The following ZNF783 variants were observed in gnomAD, a reference collection of about 807,000 sequenced individuals.
ZNF783 encodes protein ZNF783.
A neutral mutation model predicts 31.3 loss-of-function variants in ZNF783; 25 were observed. That is an observed-to-expected ratio of 0.80 (90% confidence interval 0.58 to 1.11). The LOEUF (loss-of-function observed/expected upper bound fraction) is 1.11. Among genes scored for constraint, ZNF783 ranks in the 50% most tolerant of loss-of-function variants. The probability of loss-of-function intolerance (pLI) is 0.00; values close to 1 mark genes in which losing one functional copy is unlikely to be tolerated. For synonymous variants in ZNF783, 369 were observed against 319.1 expected (o/e 1.16, Z -1.66); for missense variants, 797 against 760.0 (o/e 1.05, Z -0.57).
At position 149,281,757 on chromosome 7, in the gene ZNF783, C is replaced by T. The variant is rs1797474556; in HGVS notation, c.1055C>T (p.Pro352Leu). 2.7e-6 allele frequency: 4 copies of T among 1,494,326 alleles called. No individual in the cohort carries two copies. The South Asian group carries it at 5.3e-5, about 20-fold the overall frequency. The allele number at this position is 1,494,326 out of a possible 1,614,324, so 92.6% of individuals were successfully genotyped here. ...SRRRQRAFPC[P>L]DCGQSFRLKI... ...AGGCGGCAGCGGGCATTCCCCTGCCCCGACTGCGGGCAGAGCTTCCGCCTG... is the reference window on the plus strand; with the variant it reads ...AGGCGGCAGCGGGCATTCCCCTGCCTCGACTGCGGGCAGAGCTTCCGCCTG... The change falls in exon 6 of 6, where the codon CCC (proline) becomes CTC (leucine). Residue 352 changes from proline to leucine, a missense_variant. Physicochemically the swap from Pro to Leu is moderately conservative, Grantham distance 98. Transcript: ENST00000434415.
intron 2 of ZNF783, 34 bp from the exon 3 acceptor site, chr7:149,266,783 CGT>C: frequency 6.2e-7 from 1 of 1,613,708 alleles, no homozygotes; most frequent in Non-Finnish European, 8.5e-7. Context: ...AGCCTGTGAG[CGT>C]GTGGGTGAGT....
At chr7:149,267,754 G>A (rs1416431013) in intron 4 of ZNF783, among the ~76,000 whole-genome samples, 8 of 152,014 alleles carry the variant, frequency 5.3e-5, no homozygotes, top group Admixed American at 1.3e-4. Flanking sequence ...CCGAGATTGC[G>A]CCACTGCACT....
At chr7:149,267,279 C>A (rs1182716611) in intron 4 of ZNF783, 57 bp downstream of exon 4, 11 of 1,528,178 alleles carry the variant, frequency 7.2e-6, no homozygotes, top group Non-Finnish European at 9.6e-6. Flanking sequence ...TGCACCATCG[C>A]CTACCCTCTC....
Position 149,281,584 on chromosome 7 carries a change from A to G in ZNF783, c.882A>G (p.Arg294=). 6.5e-7 allele frequency: 1 copy of G among 1,531,026 alleles called. No homozygotes were observed. Among genetic ancestry groups the G allele is most frequent in the Non-Finnish European group, 8.7e-7 (1 of 1,152,016 alleles). The allele number at this position is 1,531,026 out of a possible 1,614,324, so 94.8% of individuals were successfully genotyped here. ...AGCGGCTCTTTCTGGGGGTGTCCCG[A>G]GGCCAGACCGAGTGTAGAATCCCCC... The part of the protein sequence containing the change: ...TPERLFLGVS[R]GQTECRIPRG... Residue 294 remains arginine (R), a synonymous_variant, in exon 6 of 6, where the codon CGA becomes CGG. Coordinates refer to ENST00000434415, the MANE Select transcript of ZNF783 (RefSeq NM_001195220.2).
At chr7:149,271,610 TTTAAC>T (rs1184891380) in intron 4 of ZNF783, among the ~76,000 whole-genome samples, 2 of 149,944 alleles carry the variant, frequency 1.3e-5, no homozygotes, top group Non-Finnish European at 3.0e-5. Context: ...TGGTTTTTGA[TTTAAC>T]TTAATTTTTT....
At chr7:149,270,418 C>G (rs1291152842) in intron 4 of ZNF783, among the ~76,000 whole-genome samples, 18 of 152,200 alleles carry the variant, frequency 1.2e-4, no homozygotes, top group Non-Finnish European at 2.1e-4. Flanking sequence ...TTTAGTTACC[C>G]TGAGATTCAG....
intron 4 of ZNF783, chr7:149,278,070 G>T (rs1302323971): frequency 1.9e-5 from 17 of 893,024 alleles, no homozygotes; most frequent in African/African-American, 5.2e-5. Context: ...ACTGCGGGAG[G>T]TGGTGACCAC....
intron 1 of ZNF783, among the ~76,000 whole-genome samples, chr7:149,262,791 C>T (rs1195033907): frequency 6.6e-6 from 1 of 152,236 alleles, no homozygotes; most frequent in Non-Finnish European, 1.5e-5. Flanking sequence ...GAGGCGGGAG[C>T]CTCACGCCGG....
intron 4 of ZNF783, among the ~76,000 whole-genome samples, chr7:149,276,910 G>A (rs1797345008): frequency 6.6e-6 from 1 of 151,576 alleles, no homozygotes; most frequent in Middle Eastern, 3.4e-3. Context: ...GTGCAGTGGC[G>A]CGATCTCGGC....
At chr7:149,278,036 C>G in intron 4 of ZNF783, 1 of 445,338 alleles carries the variant, frequency 2.2e-6, no homozygotes, top group Non-Finnish European at 3.4e-6. Context: ...ATAAGAGCAG[C>G]TTGGAGGAGG....
At position 149,281,643 on chromosome 7, in the gene ZNF783, G is replaced by T; in HGVS notation, c.941G>T (p.Arg314Leu). Residue 314 changes from arginine (R) to leucine (L), a missense_variant, in exon 6 of 6, where the codon CGT (arginine) becomes CTT (leucine). Arg to Leu is a moderately radical substitution (Grantham distance 102). Transcript: ENST00000434415. ...AGGAACAGGCCTGGGGGCCCCAGCC[G>T]TCATCAGGCCCAGGGCATGCCCAGG... is the stretch of plus-strand genomic sequence containing the variant. ...GPRNRPGGPS[R>L]HQAQGMPRVR... 6.5e-7 allele frequency: 1 copy of T among 1,542,766 alleles called. No individual in the cohort carries two copies.
At chr7:149,268,557 G>A (rs1585610623) in intron 4 of ZNF783, among the ~76,000 whole-genome samples, 1 of 152,294 alleles carries the variant, frequency 6.6e-6, no homozygotes, top group Admixed American at 6.5e-5. Context: ...TTGTGCCCAG[G>A]TAGTGAGCAT....
intron 4 of ZNF783, among the ~76,000 whole-genome samples, chr7:149,271,792 A>G (rs1293367214): frequency 6.6e-6 from 1 of 152,020 alleles, no homozygotes; most frequent in Non-Finnish European, 1.5e-5. Context: ...TTGTATTCCC[A>G]CCCCTGTCTT....
chr7:149,282,038 C>T lies in ZNF783; in HGVS notation c.1336C>T (p.Gln446Ter). The part of the protein sequence containing the change: ...YHCSECLRFF[Q>*]QRKSLLLHQR... ...CTGCAGCGAGTGCCTGCGCTTCTTC[C>T]AGCAGCGCAAGAGCCTGCTGCTGCA... The change falls in exon 6 of 6, where the codon CAG becomes TAG. Residue 446 changes from glutamine to a stop codon, truncating the protein, a stop_gained. Coordinates refer to ENST00000434415, the MANE Select transcript of ZNF783 (RefSeq NM_001195220.2). LOFTEE classifies it low-confidence loss of function (END_TRUNC). 2 of 1,591,092 alleles carry T rather than the reference C, an allele frequency of 1.3e-6. No individual in the cohort carries two copies. Among genetic ancestry groups the T allele is most frequent in the Non-Finnish European group, 1.7e-6 (2 of 1,176,570 alleles).
intron 5 of ZNF783, among the ~76,000 whole-genome samples, chr7:149,280,776 G>A (rs1018460284): frequency 6.6e-6 from 1 of 152,198 alleles, no homozygotes; most frequent in African/African-American, 2.4e-5. Flanking sequence ...GGACCCCTGA[G>A]AGCTGGGTGC....
rs10278828 is a variant in ZNF783, at chr7:149,283,009, T to C, written c.*666T>C. On this transcript the variant is annotated 3_prime_UTR_variant, in exon 6 of 6. Coordinates refer to ENST00000434415, the MANE Select transcript of ZNF783 (RefSeq NM_001195220.2). ...TTTTAAGATGGAGTTTCACTCTTGT[T>C]GCCCAGGCTGGAGTGCAATGGTACA... The C allele has an allele frequency of 0.036, 5,395 of 148,734 alleles. 170 individuals are homozygous for C. Among genetic ancestry groups the C allele is most frequent in the African/African-American group, 0.083 (3,343 of 40,454 alleles). The allele number at this position is 148,734 out of a possible 1,614,324, so 9.2% of individuals were successfully genotyped here. A position where few individuals can be genotyped will look rare whatever the true frequency, so the allele number is the denominator to read the frequency against.
At chr7:149,263,286 GTGTGTGTGTGTGTGTGTGTA>G (rs1429056692) in intron 1 of ZNF783, among the ~76,000 whole-genome samples, 28 of 98,812 alleles carry the variant, frequency 2.8e-4, no homozygotes, top group African/African-American at 1.2e-3. Flanking sequence ...GTGTGTGTGT[GTGTGTGTGTGTGTGTGTGTA>G]TATATATATA....
rs761846019 is a variant in ZNF783, at chr7:149,282,274, C to A, written c.1572C>A (p.His524Gln). The A allele has an allele frequency of 2.5e-5, 39 of 1,583,954 alleles. No homozygotes were observed. The highest frequency in any genetic ancestry group is 3.2e-5 in the Non-Finnish European group (37 of 1,173,818). ...ACGCCCGAGGCCAGGTGGGCCCACA[C>A]TTCCCTGCCGCCCCCGCCCGCCACG... ...QTHARGQVGP[H>Q]FPAAPARHGS... The change falls in exon 6 of 6, where the codon CAC becomes CAA. Residue 524 changes from histidine to glutamine, a missense_variant. By Grantham distance (24) the His-to-Gln change is conservative. Coordinates refer to ENST00000434415, the MANE Select transcript of ZNF783 (RefSeq NM_001195220.2).
intron 1 of ZNF783, among the ~76,000 whole-genome samples, chr7:149,263,836 C>T (rs1036792376): frequency 6.6e-6 from 1 of 152,164 alleles, no homozygotes; most frequent in African/African-American, 2.4e-5. Context: ...AGTATAACTT[C>T]CTCTCCCTCC....
Sources: allele counts gnomAD v4.1 joint callset (sites outside exome capture counted in the v4.1 genomes callset), GRCh38; gene constraint gnomAD v4.1.1; transcripts MANE v1.5; gene names NCBI Gene and HGNC (gene_info 2026-07-23, HGNC 2026-07-21).